The following UBXN7 variants were observed in gnomAD, a reference collection of about 807,000 sequenced individuals.
UBXN7 encodes UBX domain-containing protein 7.
UBXN7 carries 9 observed loss-of-function variants against 58.0 expected under a neutral mutation model. The observed-to-expected ratio is 0.16, with a 90% confidence interval of 0.09 to 0.27. UBXN7 has a LOEUF of 0.27. Ranked by LOEUF, UBXN7 falls within the 10% of genes least tolerant of loss-of-function variation. The pLI is 1.00. For synonymous variants in UBXN7, 208 were observed against 205.0 expected, an observed-to-expected ratio of 1.01 and a Z score of -0.12; for missense variants, 328 against 599.6, an observed-to-expected ratio of 0.55 and a Z score of 4.73.
intron 1 of UBXN7, among the ~76,000 whole-genome samples, chr3:196,424,586 A>G (rs1442174922): frequency 1.3e-5 from 2 of 150,632 alleles, no homozygotes; most frequent in African/African-American, 4.9e-5. Context: ...GCTCTTTGCT[A>G]TGTTGCCCAA....
At chr3:196,372,524 T>G (rs1215935707) in intron 5 of UBXN7, among the ~76,000 whole-genome samples, 2 of 152,002 alleles carry the variant, frequency 1.3e-5, no homozygotes, top group South Asian at 4.2e-4. Context: ...GTATTTTTAG[T>G]AGAGATGGGG....
At chr3:196,405,244 G>A (rs1187061797) in intron 2 of UBXN7, among the ~76,000 whole-genome samples, 1 of 152,046 alleles carries the variant, frequency 6.6e-6, no homozygotes, top group Non-Finnish European at 1.5e-5. Context: ...GGCCGAGGTA[G>A]GTGGATCACG....
chr3:196,363,827 G>A (rs1728580426), intron 8 of UBXN7, among the ~76,000 whole-genome samples: 1 of 151,928 alleles, frequency 6.6e-6, no homozygotes, highest in African/African-American at 2.4e-5. Flanking sequence ...TACTCAGGAG[G>A]CTGAGGCAGG....
intron 5 of UBXN7, among the ~76,000 whole-genome samples, chr3:196,388,093 A>C (rs1173691303): frequency 2.0e-5 from 3 of 152,048 alleles, no homozygotes; most frequent in African/African-American, 7.2e-5. Context: ...CACATATACA[A>C]CATGGAATAC....
In UBXN7 at chr3:196,380,729, C is replaced by T. The variant is rs189727721; in HGVS notation, c.469-8687G>A. On this transcript the variant is annotated intron_variant, in intron 5 of 10. Coordinates refer to ENST00000296328, the MANE Select transcript of UBXN7 (RefSeq NM_015562.2). ...GGGGAAATCATTTCCCTTTCCTAGC[C>T]AAGGGAAGCCGTGACAGACTATCTG... Among the ~76,000 whole-genome samples, 618 of 152,338 alleles carry T rather than the reference C, an allele frequency of 4.1e-3. 5 individuals carry two copies. The highest frequency in any genetic ancestry group is 0.014 in the African/African-American group (599 of 41,578).
At chr3:196,371,422 C>A (rs1728829283) in intron 6 of UBXN7, among the ~76,000 whole-genome samples, 2 of 152,084 alleles carry the variant, frequency 1.3e-5, no homozygotes, top group African/African-American at 4.8e-5. Flanking sequence ...AATGTGGCTA[C>A]TGGAAAAATT....
At chr3:196,401,292 T>TAC (rs1276645133) in intron 3 of UBXN7, among the ~76,000 whole-genome samples, 23 of 84,152 alleles carry the variant, frequency 2.7e-4, no homozygotes, top group Non-Finnish European at 4.8e-4. Context: ...TATATATATA[T>TAC]ATATATACAC....
chr3:196,350,711 A>C lies in UBXN7; in HGVS notation c.*5974T>G, dbSNP rs1577424200. ...GGACTGACACACAGGTGAGTCAAAA[A>C]CCATAACCATCACTGAAATACCAAA... On this transcript the variant is annotated 3_prime_UTR_variant, in exon 11 of 11. Transcript: ENST00000296328. 6.7e-6 allele frequency: 1 copy of C among 149,118 alleles called. No homozygotes were observed. 9.2% of individuals were successfully genotyped at this position (149,118 alleles called of 1,614,324 possible).
intron 6 of UBXN7, among the ~76,000 whole-genome samples, chr3:196,370,127 CAAAA>C (rs368855542): frequency 6.8e-5 from 5 of 73,418 alleles, no homozygotes; most frequent in African/African-American, 1.8e-4. Context: ...AGACTTGTCT[CAAAA>C]AAAAAAAAAA....
intron 1 of UBXN7, among the ~76,000 whole-genome samples, chr3:196,408,890 T>G (rs1297073947): frequency 6.6e-6 from 1 of 152,214 alleles, no homozygotes; most frequent in Non-Finnish European, 1.5e-5. Flanking sequence ...GTGATTTTAT[T>G]TATCCTCTTT....
rs977835227 is a variant in UBXN7, at chr3:196,352,603, A to G, written c.*4082T>C. The G allele has an allele frequency of 6.6e-6, 1 of 152,170 alleles. No homozygotes were observed. The highest frequency in any genetic ancestry group is 2.4e-5 in the African/African-American group (1 of 41,436). The allele number at this position is 152,170 out of a possible 1,614,324, so 9.4% of individuals were successfully genotyped here. A position where few individuals can be genotyped will look rare whatever the true frequency, so the allele number is the denominator to read the frequency against. ...AACTTCTATAAAGAACTCAATAGCT[A>G]ATTGTTGACTTGTAAGTCAAGGAAG... On this transcript the variant is annotated 3_prime_UTR_variant, in exon 11 of 11. Transcript: ENST00000296328. This position sits in a 1 kb window ranked among gnomAD's most constrained non-coding sequence, Gnocchi z 4.1.
rs781131218 is a variant in UBXN7 at position 196,393,665 on chromosome 3, G to C, written c.290-46C>G. 11 of 1,552,744 alleles carry C rather than the reference G, an allele frequency of 7.1e-6. 1 individual carries two copies. The South Asian group carries it at 1.3e-4, about 18-fold the overall frequency. On this transcript the variant is annotated intron_variant, in intron 3 of 10. Coordinates refer to ENST00000296328, the MANE Select transcript of UBXN7 (RefSeq NM_015562.2). ...ATTGAAAATTTTTTAAATTAATTTT[G>C]AAACAATTCTAAAAATGTCCTTATC...
intron 3 of UBXN7, among the ~76,000 whole-genome samples, chr3:196,402,178 G>C (rs1266388867): frequency 6.6e-6 from 1 of 152,048 alleles, no homozygotes; most frequent in Non-Finnish European, 1.5e-5. Context: ...GTGCTGCCAT[G>C]CCTAGCTAAT....
At chr3:196,423,366 C>A in intron 1 of UBXN7, 1 of 190,442 alleles carries the variant, frequency 5.3e-6, no homozygotes, top group South Asian at 7.4e-5. Context: ...CTGAGAGGAG[C>A]ATGTGGACAG....
At chr3:196,432,131 A>C in intron 1 of UBXN7, 196 bp downstream of exon 1, 1 of 727,638 alleles carries the variant, frequency 1.4e-6, no homozygotes, top group Admixed American at 2.1e-5. Context: ...GAACGAGGGT[A>C]TCGGGAGCGG....
At chr3:196,383,852 G>A in intron 5 of UBXN7, among the ~76,000 whole-genome samples, 1 of 152,192 alleles carries the variant, frequency 6.6e-6, no homozygotes, top group East Asian at 1.9e-4. Context: ...AAGCAGGAAA[G>A]ATCTAAAATT....
At chr3:196,372,168 A>T in intron 5 of UBXN7, 126 bp from the exon 6 acceptor site, 1 of 1,009,714 alleles carries the variant, frequency 9.9e-7, no homozygotes. Flanking sequence ...CGACATCTAG[A>T]GTTTTCAGCA....
intron 5 of UBXN7, among the ~76,000 whole-genome samples, chr3:196,374,003 T>A (rs905697128): frequency 7.9e-5 from 12 of 152,222 alleles, no homozygotes; most frequent in African/African-American, 2.9e-4. Context: ...TAATAATTCC[T>A]TGCTTATAGG....
chr3:196,361,937 T>TAA lies in UBXN7; in HGVS notation c.1229-15_1229-14insTT. 1 of 1,582,648 alleles carries TAA rather than the reference T, an allele frequency of 6.3e-7. No homozygotes were observed. The highest frequency in any genetic ancestry group is 8.6e-7 in the Non-Finnish European group (1 of 1,166,838). On this transcript the variant is annotated splice_polypyrimidine_tract_variant and intron_variant, in intron 9 of 10. Coordinates refer to ENST00000296328, the MANE Select transcript of UBXN7 (RefSeq NM_015562.2). ...GTGCTTTTGGTCCTAAAGGAAGGGTTTAAAAAAAAAAAAAAAACGGGATAC... is the reference window on the plus strand; with the variant it reads ...GTGCTTTTGGTCCTAAAGGAAGGGTTAATAAAAAAAAAAAAAAAACGGGATAC...
Sources: allele counts gnomAD v4.1 joint callset (sites outside exome capture counted in the v4.1 genomes callset), GRCh38; gene constraint gnomAD v4.1.1; non-coding constraint Gnocchi (gnomAD v3.1); transcripts MANE v1.5; gene names NCBI Gene and HGNC (gene_info 2026-07-23, HGNC 2026-07-21).